The following EPB41 variants were observed in gnomAD, a reference collection of about 807,000 sequenced individuals.
EPB41 encodes protein 4.1.
In EPB41, 65 loss-of-function variants were observed where a neutral mutation model predicts 108.0. That is an observed-to-expected ratio of 0.60 (90% CI 0.49 to 0.74). The LOEUF (loss-of-function observed/expected upper bound fraction) is 0.74. Ranked by LOEUF, EPB41 falls within the 30% of genes least tolerant of loss-of-function variation. The pLI is 0.00. For missense variants in EPB41, 875 were observed against 1,037.0 expected (o/e 0.84, Z 2.15); for synonymous variants, 336 against 358.9 (o/e 0.94, Z 0.72).
chr1:28,907,823 A>G lies in EPB41; in HGVS notation c.-8+20613A>G, dbSNP rs531998932. ...TCCAAAGCTAGTGCCAGATTGGCTG[A>G]TTTTTTAAAAATTTTAATTTTTTTT... On this transcript the variant is annotated intron_variant, in intron 1 of 16. Transcript: ENST00000347529. Among the ~76,000 whole-genome samples the G allele has an allele frequency of 2.3e-4, 31 of 132,350 alleles. No homozygotes were observed. In the East Asian group the frequency reaches 9.9e-3, roughly 42 times the overall value. 86.8% of individuals were successfully genotyped at this position (132,350 alleles called of 152,430 possible).
intron 7 of EPB41, among the ~76,000 whole-genome samples, chr1:29,026,958 G>C (rs770114060): frequency 6.6e-6 from 1 of 151,978 alleles, no homozygotes; most frequent in South Asian, 2.1e-4. Context: ...CAGGCATGGT[G>C]GCGGGTGCCT....
intron 1 of EPB41, among the ~76,000 whole-genome samples, chr1:28,915,737 T>C (rs2092603262): frequency 6.8e-6 from 1 of 147,926 alleles, no homozygotes; most frequent in Non-Finnish European, 1.5e-5. Flanking sequence ...GATGCTTTTT[T>C]TTTTTTTTTT....
chr1:28,919,335 A>G (rs570808072), intron 1 of EPB41, among the ~76,000 whole-genome samples: 1 of 152,274 alleles, frequency 6.6e-6, no homozygotes, highest in Admixed American at 6.5e-5. Flanking sequence ...AATATCCCCT[A>G]CCCGCTAGCT....
chr1:28,934,666 T>TTGTGTGTGTGTGTGTGTGTGTGTGTG (rs1204147204), intron 1 of EPB41, among the ~76,000 whole-genome samples: 4 of 136,308 alleles, frequency 2.9e-5, no homozygotes, highest in Non-Finnish European at 4.6e-5. Flanking sequence ...TCTTTTGACA[T>TTGTGTGTGTGTGTGTGTGTGTGTGTG]TGTGTGTGTG....
chr1:28,996,651 T>C (rs1159891040), intron 3 of EPB41, among the ~76,000 whole-genome samples: 1 of 152,208 alleles, frequency 6.6e-6, no homozygotes, highest in Non-Finnish European at 1.5e-5. Flanking sequence ...TTGCTTTGAA[T>C]TGTAACACAA....
At chr1:29,021,970 A>C (rs1216052632) in intron 7 of EPB41, among the ~76,000 whole-genome samples, 1 of 152,218 alleles carries the variant, frequency 6.6e-6, no homozygotes, top group East Asian at 1.9e-4. Context: ...CATTTTCTCA[A>C]AAATGAAATG....
At chr1:28,997,628 G>A (rs2096210717) in intron 4 of EPB41, among the ~76,000 whole-genome samples, 1 of 152,032 alleles carries the variant, frequency 6.6e-6, no homozygotes, top group African/African-American at 2.4e-5. Flanking sequence ...AATATATTAT[G>A]CAATTGGTAT....
chr1:28,989,098 G>T (rs2095944112), intron 2 of EPB41, among the ~76,000 whole-genome samples: 1 of 152,174 alleles, frequency 6.6e-6, no homozygotes, highest in African/African-American at 2.4e-5. Flanking sequence ...GCCCTTTGAA[G>T]GTATGTGATA....
At chr1:29,093,326 T>C (rs763106286) in intron 16 of EPB41, among the ~76,000 whole-genome samples, 1 of 152,240 alleles carries the variant, frequency 6.6e-6, no homozygotes. Flanking sequence ...TTTTTTCTTA[T>C]GCTTGTTGGC....
rs374143557 is a variant in EPB41, at chr1:28,887,506, G to T, written c.-8+296G>T. ...GGGTCCGGCCGGTCCTGGCTGTCTG[G>T]GGCGGGGGTCCTGCATTCGGTGTCC... On this transcript the variant is annotated intron_variant, in intron 1 of 16. Coordinates refer to the EPB41 transcript ENST00000347529. The surrounding 1 kb of genome is among the most constrained non-coding windows in gnomAD (Gnocchi z 4.9). 1.2e-4 allele frequency: 122 copies of T among 985,300 alleles called. 1 individual carries two copies. The South Asian group carries it at 4.7e-3, about 38-fold the overall frequency. 61.0% of individuals were successfully genotyped at this position (985,300 alleles called of 1,614,324 possible).
intron 16 of EPB41, chr1:29,068,680 A>C: frequency 2.7e-6 from 3 of 1,101,532 alleles, no homozygotes; most frequent in Non-Finnish European, 3.5e-6. Flanking sequence ...CTTTGACGGT[A>C]TTGTTGTTGC....
intron 16 of EPB41, among the ~76,000 whole-genome samples, chr1:29,068,229 A>G (rs1439006835): frequency 6.6e-6 from 1 of 152,218 alleles, no homozygotes; most frequent in South Asian, 2.1e-4. Flanking sequence ...AGTTAACCCT[A>G]TCTGCAAACT....
At position 28,987,795 on chromosome 1, in the gene EPB41, A is replaced by G; in HGVS notation, c.358A>G (p.Thr120Ala). ...EGGQKEIEFG[T>A]SLDEEIILKA... is the part of the protein sequence containing the mutation. ...AGGTCAGAAAGAGATAGAATTTGGA[A>G]CCAGTCTTGATGAAGAGATCATTTT... The change falls in exon 2 of 21, where the codon ACC becomes GCC. Residue 120 changes from threonine to alanine, a missense_variant. Around this residue, in one of 3 missense-constraint regions of EPB41, gnomAD observed 353 missense variants for 393.2 expected, o/e 0.90. Coordinates refer to ENST00000343067, the MANE Select transcript of EPB41 (RefSeq NM_001376013.1). 1 of 1,614,180 alleles carries G rather than the reference A, an allele frequency of 6.2e-7. No individual in the cohort carries two copies. The highest frequency in any genetic ancestry group is 8.5e-7 in the Non-Finnish European group (1 of 1,180,040).
chr1:29,003,975 C>A (rs994632127), intron 4 of EPB41, among the ~76,000 whole-genome samples: 1 of 152,182 alleles, frequency 6.6e-6, no homozygotes, highest in African/African-American at 2.4e-5. Flanking sequence ...GTTGGTCAGG[C>A]TGGTCTTGAA....
At chr1:28,905,331 T>C (rs935289953) in intron 1 of EPB41, among the ~76,000 whole-genome samples, 3 of 150,170 alleles carry the variant, frequency 2.0e-5, no homozygotes, top group African/African-American at 7.4e-5. Context: ...AACCCCTCTC[T>C]ACTAAAAATA....
intron 4 of EPB41, among the ~76,000 whole-genome samples, chr1:29,011,407 G>A (rs1476827847): frequency 1.3e-5 from 2 of 151,630 alleles, no homozygotes; most frequent in African/African-American, 2.4e-5. Context: ...GGAGACTAAA[G>A]GTCAGGGTTG....
At chr1:29,011,757 AGGTTGATCTGGAG>A in intron 4 of EPB41, 95 bp from the exon 5 acceptor site, 1 of 1,169,214 alleles carries the variant, frequency 8.6e-7, no homozygotes, top group Non-Finnish European at 1.2e-6. Flanking sequence ...AAGGAAATGC[AGGTTGATCTGGAG>A]GCACTATTTG....
chr1:28,981,623 T>C (rs1158430317), intron 1 of EPB41, among the ~76,000 whole-genome samples: 1 of 152,250 alleles, frequency 6.6e-6, no homozygotes. Flanking sequence ...TACAATATGC[T>C]GTGCTCTGTA....
chr1:28,887,778 C>T lies in EPB41; in HGVS notation c.-8+568C>T, dbSNP rs983707297. ...GCTGTGCCCGCCAGGGTGGCCCCCCCGGCCGTCGCGCCAGCCCCACACCCT... is the reference window on the plus strand; with the variant it reads ...GCTGTGCCCGCCAGGGTGGCCCCCCTGGCCGTCGCGCCAGCCCCACACCCT... On this transcript the variant is annotated intron_variant, in intron 1 of 16. Coordinates refer to the EPB41 transcript ENST00000347529. The surrounding 1 kb of genome is among the most constrained non-coding windows in gnomAD (Gnocchi z 4.9). 2.7e-6 allele frequency: 2 copies of T among 736,276 alleles called. No homozygotes were observed. The highest frequency in any genetic ancestry group is 1.9e-5 in the African/African-American group (1 of 52,452). The allele number at this position is 736,276 out of a possible 1,614,324, so 45.6% of individuals were successfully genotyped here. A position where few individuals can be genotyped will look rare whatever the true frequency, so the allele number is the denominator to read the frequency against.
Sources: allele counts gnomAD v4.1 joint callset (sites outside exome capture counted in the v4.1 genomes callset), GRCh38; gene constraint gnomAD v4.1.1; regional missense constraint gnomAD v4.1.1; non-coding constraint Gnocchi (gnomAD v3.1); transcripts MANE v1.5; gene names NCBI Gene and HGNC (gene_info 2026-07-23, HGNC 2026-07-21).